Variants in PRKCH observed in about 807,000 individuals in gnomAD.
PRKCH encodes protein kinase C eta type.
PRKCH carries 28 observed loss-of-function variants against 82.5 expected under a neutral mutation model. The observed-to-expected ratio is 0.34, with a 90% CI of 0.25 to 0.47. The LOEUF (loss-of-function observed/expected upper bound fraction) is 0.47, where lower values mean the gene tolerates loss of function less well. Ranked by LOEUF, PRKCH falls within the 20% of genes least tolerant of loss-of-function variation. The pLI, the probability that PRKCH is intolerant of heterozygous loss-of-function variation, is 1.00. For missense variants in PRKCH, 705 were observed against 881.8 expected (o/e 0.80, Z 2.54); for synonymous variants, 322 against 327.4 (o/e 0.98, Z 0.18).
At chr14:61,338,958 C>T (rs975061085) in intron 1 of PRKCH, among the ~76,000 whole-genome samples, 1 of 152,060 alleles carries the variant, frequency 6.6e-6, no homozygotes, top group East Asian at 1.9e-4. Flanking sequence ...AATATTATTG[C>T]CATTAATATT....
rs541838603 is a variant in PRKCH at position 61,216,479 on chromosome 14, A to C, written c.-19+28811A>C. ...AGCAAGACTCTGTCTCAAAAAAAAAACAAAAATTAAAAAAAATTAAAAAAC... is the reference window on the plus strand; with the variant it reads ...AGCAAGACTCTGTCTCAAAAAAAAACCAAAAATTAAAAAAAATTAAAAAAC... On this transcript the variant is annotated intron_variant, in intron 1 of 3. Coordinates refer to the PRKCH transcript ENST00000555185. Among the ~76,000 whole-genome samples the C allele has an allele frequency of 5.1e-4, 77 of 152,206 alleles. 1 individual carries two copies. The East Asian group carries it at 7.9e-3, about 16-fold the overall frequency.
chr14:61,378,318 T>A (rs2046452353), intron 1 of PRKCH, among the ~76,000 whole-genome samples: 1 of 151,748 alleles, frequency 6.6e-6, no homozygotes, highest in African/African-American at 2.4e-5. Context: ...GCTCAGGTGA[T>A]CCTCCTGTTT....
chr14:61,548,829 TC>T (rs1272466986), intron 13 of PRKCH, among the ~76,000 whole-genome samples: 4 of 137,796 alleles, frequency 2.9e-5, no homozygotes, highest in Non-Finnish European at 4.5e-5. Flanking sequence ...CGTCATGCGC[TC>T]CAGCCTGGGC....
intron 10 of PRKCH, among the ~76,000 whole-genome samples, chr14:61,499,718 C>T (rs983618575): frequency 1.3e-5 from 2 of 151,652 alleles, no homozygotes; most frequent in African/African-American, 2.4e-5. Context: ...CAACATCTGC[C>T]GAGCAGTCAT....
At position 61,449,268 on chromosome 14, in the gene PRKCH, T is replaced by C. The variant is rs1442320336; in HGVS notation, c.702+16T>C. ...GGATTCAAAGGTAAGAGGATAGCAG[T>C]TTGCTGATTAAATGTGCGTGTGTAT... On this transcript the variant is annotated intron_variant, in intron 5 of 13. Transcript: ENST00000332981. The C allele has an allele frequency of 1.9e-6, 3 of 1,598,216 alleles. No homozygotes were observed. The highest frequency in any genetic ancestry group is 2.7e-5 in the African/African-American group (2 of 74,522).
At chr14:61,480,809 G>A (rs890505283) in intron 9 of PRKCH, among the ~76,000 whole-genome samples, 19 of 152,262 alleles carry the variant, frequency 1.2e-4, no homozygotes, top group South Asian at 4.1e-4. Context: ...CAGTTACAGC[G>A]AAGCCTCACA....
intron 1 of PRKCH, chr14:61,281,568 C>T (rs1377389098): frequency 1.2e-5 from 2 of 169,900 alleles, no homozygotes; most frequent in African/African-American, 2.4e-5. Context: ...GGCTCAGGTA[C>T]CACCTTCTCT....
intron 1 of PRKCH, among the ~76,000 whole-genome samples, chr14:61,214,984 C>T (rs528626423): frequency 1.4e-4 from 22 of 152,288 alleles, no homozygotes; most frequent in African/African-American, 5.3e-4. Flanking sequence ...GAAAAGCTTT[C>T]TGAGGAGGGA....
Position 61,485,747 on chromosome 14 carries a change from G to T in PRKCH, c.1433+91G>T, listed in dbSNP as rs540381721. ...CTTCCACTTCTCATGATAATCAGTT[G>T]AAACCTTTTTTGGAATTAAATTCAC... is the stretch of plus-strand genomic sequence containing the variant. On this transcript the variant is annotated intron_variant, in intron 10 of 13. Transcript: ENST00000332981. 3.7e-5 allele frequency: 53 copies of T among 1,442,890 alleles called. No homozygotes were observed. In the African/African-American group the frequency reaches 7.3e-4, roughly 20 times the overall value. The allele number at this position is 1,442,890 out of a possible 1,614,324, so 89.4% of individuals were successfully genotyped here.
intron 1 of PRKCH, among the ~76,000 whole-genome samples, chr14:61,296,778 T>C (rs1031423112): frequency 6.6e-6 from 1 of 152,236 alleles, no homozygotes; most frequent in African/African-American, 2.4e-5. Flanking sequence ...TCTGTGGGAA[T>C]AGTGTATACG....
At chr14:61,301,740 C>T (rs1011638856) in intron 1 of PRKCH, among the ~76,000 whole-genome samples, 1 of 152,144 alleles carries the variant, frequency 6.6e-6, no homozygotes, top group Admixed American at 6.5e-5. Flanking sequence ...ACTCAGGAGG[C>T]TGAGGTGGGA....
At chr14:61,394,538 A>G (rs538648743) in intron 2 of PRKCH, among the ~76,000 whole-genome samples, 30 of 152,334 alleles carry the variant, frequency 2.0e-4, no homozygotes, top group African/African-American at 7.2e-4. Flanking sequence ...GAGCTGAATC[A>G]ACTCTCTGCA....
intron 10 of PRKCH, among the ~76,000 whole-genome samples, chr14:61,496,850 G>A (rs952684345): frequency 1.3e-5 from 2 of 152,160 alleles, no homozygotes; most frequent in African/African-American, 4.8e-5. Context: ...CTACGAGCCA[G>A]GCTCTATTCT....
intron 1 of PRKCH, among the ~76,000 whole-genome samples, chr14:61,233,701 A>T (rs1415381365): frequency 6.6e-6 from 1 of 152,108 alleles, no homozygotes; most frequent in Non-Finnish European, 1.5e-5. Flanking sequence ...ACGAGATCTG[A>T]TGGTTTTATA....
intron 1 of PRKCH, among the ~76,000 whole-genome samples, chr14:61,255,625 C>A (rs1781981055): frequency 6.6e-6 from 1 of 152,134 alleles, no homozygotes; most frequent in Admixed American, 6.5e-5. Flanking sequence ...ATCTGCAGAG[C>A]TCAAAGTACT....
intron 10 of PRKCH, among the ~76,000 whole-genome samples, chr14:61,515,621 C>T (rs2042814535): frequency 6.6e-6 from 1 of 152,112 alleles, no homozygotes; most frequent in Non-Finnish European, 1.5e-5. Flanking sequence ...TGCTCGTTGC[C>T]CAAGGTACTG....
Position 61,530,397 on chromosome 14 carries a change from C to T in PRKCH, c.1573-10C>T, listed in dbSNP as rs769480703. On this transcript the variant is annotated splice_polypyrimidine_tract_variant and intron_variant, in intron 11 of 13. Transcript: ENST00000332981. Reference sequence around the variant, plus strand: ...ATGAACCACCTTCTCACGCTGCCCCCTTTGCACAGATCCTCCAGGAAATGC... The same window carrying T: ...ATGAACCACCTTCTCACGCTGCCCCTTTTGCACAGATCCTCCAGGAAATGC... 5.2e-5 allele frequency: 81 copies of T among 1,567,634 alleles called. No homozygotes were observed. The highest frequency in any genetic ancestry group is 1.9e-4 in the Middle Eastern group (1 of 5,158).
chr14:61,233,055 C>G (rs187642168), intron 1 of PRKCH, among the ~76,000 whole-genome samples: 4 of 152,276 alleles, frequency 2.6e-5, no homozygotes, highest in African/African-American at 9.6e-5. Flanking sequence ...TCAAAAGATC[C>G]TGCCTTATTA....
chr14:61,381,817 C>T (rs977774088), intron 1 of PRKCH, among the ~76,000 whole-genome samples: 1 of 152,230 alleles, frequency 6.6e-6, no homozygotes, highest in Non-Finnish European at 1.5e-5. Flanking sequence ...GTGATGACCT[C>T]ATGTGCCAGA....
Sources: allele counts gnomAD v4.1 joint callset (sites outside exome capture counted in the v4.1 genomes callset), GRCh38; gene constraint gnomAD v4.1.1; transcripts MANE v1.5; gene names NCBI Gene and HGNC (gene_info 2026-07-23, HGNC 2026-07-21).